Variants in CPNE5 observed in about 807,000 individuals in gnomAD.
CPNE5 encodes the protein copine 5.
CPNE5 carries 42 observed loss-of-function variants against 81.1 expected under a neutral mutation model. The observed-to-expected ratio is 0.52, with a 90% confidence interval of 0.40 to 0.67. The LOEUF is 0.67. Ranked by LOEUF, CPNE5 falls within the 30% of genes least tolerant of loss-of-function variation. The pLI is 0.00. For missense variants in CPNE5, 612 were observed against 815.5 expected (o/e 0.75, Z 3.04); for synonymous variants, 313 against 321.5 (o/e 0.97, Z 0.28).
intron 1 of CPNE5, among the ~76,000 whole-genome samples, chr6:36,825,142 C>T (rs1772391504): frequency 6.6e-6 from 1 of 152,152 alleles, no homozygotes; most frequent in Admixed American, 6.5e-5. Flanking sequence ...AAGCCCTCGG[C>T]AGTGACAGCC....
At chr6:36,776,950 C>T (rs540093503) in intron 9 of CPNE5, among the ~76,000 whole-genome samples, 314 of 152,308 alleles carry the variant, frequency 2.1e-3, no homozygotes, top group African/African-American at 7.0e-3. Context: ...TTCACAGGGG[C>T]AGGATACTGG....
intron 13 of CPNE5, chr6:36,755,927 A>G (rs236444): frequency 0.73 from 298,589 of 407,688 alleles, 110,009 homozygotes; most frequent in Non-Finnish European, 0.76. Flanking sequence ...GAAAAGCACC[A>G]ACGTGGGGAA....
intron 9 of CPNE5, 143 bp from the exon 10 acceptor site, chr6:36,775,208 C>T (rs945900980): frequency 6.1e-6 from 4 of 653,368 alleles, no homozygotes; most frequent in Non-Finnish European, 5.5e-6. Context: ...AGCTGCCCAT[C>T]ACTGACAGCA....
At chr6:36,811,287 T>C (rs1046015583) in intron 3 of CPNE5, among the ~76,000 whole-genome samples, 3 of 152,182 alleles carry the variant, frequency 2.0e-5, no homozygotes, top group East Asian at 1.9e-4. Context: ...AAAACATCGA[T>C]AGCTCCTGCC....
At chr6:36,818,979 T>C (rs1771803459) in intron 3 of CPNE5, among the ~76,000 whole-genome samples, 1 of 152,244 alleles carries the variant, frequency 6.6e-6, no homozygotes, top group African/African-American at 2.4e-5. Context: ...TTAGTTCACT[T>C]AAGCAGGCTA....
In CPNE5 at chr6:36,742,093, A is replaced by C; in HGVS notation, c.*175T>G. On this transcript the variant is annotated 3_prime_UTR_variant, in exon 21 of 21. Transcript: ENST00000244751. Reference sequence around the variant, plus strand: ...CCCCCTAACTCCCTGGGTTTGGGCAATAAGTGAGGCCAAGAAATTGAGGAG... The same window carrying C: ...CCCCCTAACTCCCTGGGTTTGGGCACTAAGTGAGGCCAAGAAATTGAGGAG... 1.8e-6 allele frequency: 1 copy of C among 544,670 alleles called. No individual in the cohort carries two copies. Among genetic ancestry groups the C allele is most frequent in the South Asian group, 2.5e-5 (1 of 40,740 alleles). The allele number at this position is 544,670 out of a possible 1,614,324, so 33.7% of individuals were successfully genotyped here. A position where few individuals can be genotyped will look rare whatever the true frequency, so the allele number is the denominator to read the frequency against.
At chr6:36,762,304 G>GCACACACACACA (rs60481458) in intron 12 of CPNE5, among the ~76,000 whole-genome samples, 11 of 146,452 alleles carry the variant, frequency 7.5e-5, no homozygotes, top group Non-Finnish European at 1.6e-4. Flanking sequence ...ACACATACAT[G>GCACACACACACA]CACACACACA....
At chr6:36,747,252 TC>T (rs200869675) in intron 15 of CPNE5, among the ~76,000 whole-genome samples, 71 of 127,780 alleles carry the variant, frequency 5.6e-4, no homozygotes, top group African/African-American at 1.9e-3. Flanking sequence ...TGGCTTGATT[TC>T]CCCCCCCAGA....
intron 18 of CPNE5, 143 bp downstream of exon 18, chr6:36,744,905 G>A: frequency 1.2e-5 from 8 of 652,536 alleles, no homozygotes; most frequent in South Asian, 5.3e-5. Context: ...GGGGCCCAGT[G>A]AGGCAGGGAA....
rs1344493837 is a variant in CPNE5, at chr6:36,766,932, T to C, written c.738-1556A>G. Reference sequence around the variant, plus strand: ...GTGCAATGGCGTGATCTCGGCTCATTGCAACCTCCGCCTCCGGATTCAACT... The same window carrying C: ...GTGCAATGGCGTGATCTCGGCTCATCGCAACCTCCGCCTCCGGATTCAACT... On this transcript the variant is annotated intron_variant, in intron 10 of 20. Coordinates refer to ENST00000244751, the MANE Select transcript of CPNE5 (RefSeq NM_020939.2). This position sits in a 1 kb window ranked among gnomAD's most constrained non-coding sequence, Gnocchi z 4.2. Among the ~76,000 whole-genome samples, 1 of 152,196 alleles carries C rather than the reference T, an allele frequency of 6.6e-6. No individual in the cohort carries two copies. The highest frequency in any genetic ancestry group is 1.5e-5 in the Non-Finnish European group (1 of 68,036).
intron 12 of CPNE5, among the ~76,000 whole-genome samples, chr6:36,762,288 G>A (rs532189646): frequency 1.2e-4 from 17 of 142,864 alleles, no homozygotes; most frequent in South Asian, 2.2e-4. Context: ...ACACGCACGC[G>A]CACACACACA....
At chr6:36,838,279 G>A (rs962100559) in intron 1 of CPNE5, among the ~76,000 whole-genome samples, 1 of 152,214 alleles carries the variant, frequency 6.6e-6, no homozygotes, top group African/African-American at 2.4e-5. Context: ...TTCGAACAAG[G>A]GCACAGCCAG....
At chr6:36,817,570 C>T (rs766676701) in intron 3 of CPNE5, among the ~76,000 whole-genome samples, 1 of 152,194 alleles carries the variant, frequency 6.6e-6, no homozygotes, top group Non-Finnish European at 1.5e-5. Flanking sequence ...TCTTGCCAGC[C>T]TCACATCCTG....
chr6:36,750,596 A>G (rs908550186), intron 14 of CPNE5, among the ~76,000 whole-genome samples: 1 of 152,226 alleles, frequency 6.6e-6, no homozygotes, highest in African/African-American at 2.4e-5. Context: ...ATTGGTATGA[A>G]GGCTTGAGGT....
chr6:36,742,536 C>T, intron 20 of CPNE5, 50 bp from the exon 21 acceptor site: 1 of 1,578,444 alleles, frequency 6.3e-7, no homozygotes, highest in Non-Finnish European at 8.6e-7. Context: ...GGGACCCTGG[C>T]CCCCAAAATC....
chr6:36,816,380 A>G lies in CPNE5; in HGVS notation c.183+5734T>C, dbSNP rs949177928. Among the ~76,000 whole-genome samples the G allele has an allele frequency of 3.9e-5, 6 of 152,236 alleles. 1 individual carries two copies. Among genetic ancestry groups the G allele is most frequent in the Middle Eastern group, 6.3e-3 (2 of 316 alleles). Reference sequence around the variant, plus strand: ...AGATGGAGCTTTCTCAGAAGGCATAAAAATGACCCAAATGGTTAAAACCAG... The same window carrying G: ...AGATGGAGCTTTCTCAGAAGGCATAGAAATGACCCAAATGGTTAAAACCAG... On this transcript the variant is annotated intron_variant, in intron 3 of 20. Coordinates refer to ENST00000244751, the MANE Select transcript of CPNE5 (RefSeq NM_020939.2).
intron 3 of CPNE5, among the ~76,000 whole-genome samples, chr6:36,813,414 C>T (rs1320509361): frequency 6.6e-6 from 1 of 152,184 alleles, no homozygotes; most frequent in Non-Finnish European, 1.5e-5. Flanking sequence ...GCCTGTAGTC[C>T]CAGCTACTTG....
intron 12 of CPNE5, among the ~76,000 whole-genome samples, chr6:36,761,132 A>T (rs902247980): frequency 1.3e-5 from 2 of 152,200 alleles, no homozygotes; most frequent in African/African-American, 4.8e-5. Context: ...GCTCGGAGAG[A>T]TCTGACCCCT....
chr6:36,743,544 C>T, intron 20 of CPNE5, 145 bp downstream of exon 20: 2 of 783,132 alleles, frequency 2.6e-6, no homozygotes, highest in Non-Finnish European at 4.3e-6. Context: ...CTCCTACTCC[C>T]TTCGGTGGTG....
Sources: allele counts gnomAD v4.1 joint callset (sites outside exome capture counted in the v4.1 genomes callset), GRCh38; gene constraint gnomAD v4.1.1; non-coding constraint Gnocchi (gnomAD v3.1); transcripts MANE v1.5; gene names NCBI Gene and HGNC (gene_info 2026-07-23, HGNC 2026-07-21).